VCL: variants seen among roughly 807,000 people sequenced by gnomAD.
VCL encodes epididymis luminal protein 114.
VCL carries 47 observed loss-of-function variants against 125.7 expected under a neutral mutation model. The observed-to-expected ratio is 0.37, with a 90% CI of 0.30 to 0.48. VCL has a LOEUF of 0.48. Among genes scored for constraint, VCL ranks in the 20% least tolerant of loss-of-function variants. The pLI, the probability that VCL is intolerant of heterozygous loss-of-function variation, is 0.99. For synonymous variants in VCL, 458 were observed against 514.6 expected, an observed-to-expected ratio of 0.89 and a Z score of 1.49; for missense variants, 1,069 against 1,455.5, an observed-to-expected ratio of 0.73 and a Z score of 4.32.
chr10:74,009,699 T>A (rs971717885), intron 1 of VCL, among the ~76,000 whole-genome samples: 1 of 151,766 alleles, frequency 6.6e-6, no homozygotes, highest in Non-Finnish European at 1.5e-5. Flanking sequence ...AACCTCCACC[T>A]CACGGGTTCA....
At chr10:74,004,225 A>T (rs1276263903) in intron 1 of VCL, among the ~76,000 whole-genome samples, 1 of 152,176 alleles carries the variant, frequency 6.6e-6, no homozygotes, top group Non-Finnish European at 1.5e-5. Context: ...TATAATTCCT[A>T]TGCTAAGGAA....
chr10:74,025,923 C>G (rs1256187147), intron 1 of VCL, among the ~76,000 whole-genome samples: 1 of 152,036 alleles, frequency 6.6e-6, no homozygotes, highest in South Asian at 2.1e-4. Flanking sequence ...GAGAGGGATC[C>G]TGGAGAAAAA....
chr10:74,075,472 T>TA (rs1839569321), intron 6 of VCL: 1 of 154,898 alleles, frequency 6.5e-6, no homozygotes, highest in Non-Finnish European at 1.4e-5. Flanking sequence ...GAATCTCTTT[T>TA]AGGACCCCAG....
chr10:74,103,671 C>T (rs1840091583), intron 14 of VCL, 149 bp from the exon 15 acceptor site: 1 of 740,544 alleles, frequency 1.4e-6, no homozygotes, highest in Non-Finnish European at 2.4e-6. Context: ...TTTATTGAGA[C>T]CAAACCTCAT....
chr10:74,032,802 C>T (rs768004773), intron 1 of VCL, among the ~76,000 whole-genome samples: 4 of 151,822 alleles, frequency 2.6e-5, no homozygotes, highest in Non-Finnish European at 5.9e-5. Context: ...TAAAAAGATG[C>T]TCAGCATCAT....
intron 10 of VCL, among the ~76,000 whole-genome samples, chr10:74,090,611 TA>T (rs1430886210): frequency 1.3e-5 from 2 of 152,086 alleles, no homozygotes; most frequent in Non-Finnish European, 2.9e-5. Context: ...GGAAGAAGCG[TA>T]AGAATGTACT....
chr10:74,066,145 C>T (rs187918473), intron 2 of VCL, among the ~76,000 whole-genome samples: 32 of 149,642 alleles, frequency 2.1e-4, no homozygotes, highest in Non-Finnish European at 3.7e-4. Context: ...CCGCAACCTC[C>T]GCCTCCCGGG....
intron 6 of VCL, chr10:74,077,482 A>G (rs1424354910): frequency 1.7e-5 from 3 of 176,078 alleles, no homozygotes; most frequent in African/African-American, 7.2e-5. Context: ...GAAAATAGAA[A>G]TTGGTAGCTA....
At chr10:74,115,005 TTCAG>T in intron 21 of VCL, 106 bp downstream of exon 21, 2 of 1,064,742 alleles carry the variant, frequency 1.9e-6, no homozygotes, top group African/African-American at 3.1e-5. Context: ...GTATCGAGTA[TTCAG>T]TATGTGGGAT....
intron 1 of VCL, among the ~76,000 whole-genome samples, chr10:74,016,438 CCTT>C (rs1307348849): frequency 6.6e-6 from 1 of 152,000 alleles, no homozygotes; most frequent in Non-Finnish European, 1.5e-5. Context: ...TGACAAAACT[CCTT>C]CTCTACAAAA....
At chr10:74,017,386 G>A (rs11000849) in intron 1 of VCL, among the ~76,000 whole-genome samples, 52,700 of 151,500 alleles carry the variant, frequency 0.35, 11,078 homozygotes, top group Non-Finnish European at 0.48. Flanking sequence ...CATTGTATGT[G>A]CATACCACAT....
At chr10:74,075,374 CATT>C in intron 6 of VCL, 1 of 157,680 alleles carries the variant, frequency 6.3e-6, no homozygotes, top group East Asian at 1.9e-4. Context: ...GTCCCTTGAT[CATT>C]CCATTTTCCC....
At chr10:74,051,918 G>A (rs890946272) in intron 2 of VCL, among the ~76,000 whole-genome samples, 1 of 152,054 alleles carries the variant, frequency 6.6e-6, no homozygotes, top group Admixed American at 6.6e-5. Flanking sequence ...CAGCAGCAGA[G>A]GCATTTCTGC....
chr10:74,020,565 A>G (rs1255552361), intron 1 of VCL, among the ~76,000 whole-genome samples: 1 of 152,110 alleles, frequency 6.6e-6, no homozygotes, highest in Non-Finnish European at 1.5e-5. Flanking sequence ...AGGGTCAATC[A>G]CTTGGTGGCT....
At chr10:74,048,491 C>A (rs550853100) in intron 2 of VCL, among the ~76,000 whole-genome samples, 19 of 150,680 alleles carry the variant, frequency 1.3e-4, no homozygotes, top group Admixed American at 4.0e-4. Flanking sequence ...GAAAAGAAAT[C>A]ATTTGTTCCT....
At chr10:74,039,922 A>G (rs1202214361) in intron 1 of VCL, among the ~76,000 whole-genome samples, 3 of 152,172 alleles carry the variant, frequency 2.0e-5, no homozygotes, top group African/African-American at 7.2e-5. Context: ...ACCCAGCCTC[A>G]TTACCACACC....
At position 74,114,868 on chromosome 10, in the gene VCL, G is replaced by A. The variant is rs766167366; in HGVS notation, c.3227G>A (p.Arg1076Gln). Residue 1076 changes from arginine (R) to glutamine (Q), a missense_variant, in exon 21 of 22, where the codon CGG becomes CAG. Coordinates refer to ENST00000211998, the MANE Select transcript of VCL (RefSeq NM_014000.3). ...LSTVKATMLG[R>Q]TNISDEESEQ... Reference sequence around the variant, plus strand: ...ACAGTGAAGGCCACCATGCTGGGCCGGACCAACATCAGTGATGAGGAGTCT... The same window carrying A: ...ACAGTGAAGGCCACCATGCTGGGCCAGACCAACATCAGTGATGAGGAGTCT... The A allele has an allele frequency of 6.9e-6, 11 of 1,603,156 alleles. 1 individual carries two copies. Among genetic ancestry groups the A allele is most frequent in the South Asian group, 4.5e-5 (4 of 88,980 alleles).
intron 1 of VCL, among the ~76,000 whole-genome samples, chr10:74,024,727 T>C (rs1227923643): frequency 6.6e-6 from 1 of 152,234 alleles, no homozygotes; most frequent in Non-Finnish European, 1.5e-5. Context: ...TTTTAAAAGT[T>C]ACTTAAGGCC....
chr10:74,064,803 T>A lies in VCL; in HGVS notation c.240-5867T>A, dbSNP rs11815902. On this transcript the variant is annotated intron_variant, in intron 2 of 21. Transcript: ENST00000211998. ...TCTTTTTAATAACACATAGAAAATT[T>A]ATAAAAATAAATCATATGTTAAGCC... Among the ~76,000 whole-genome samples, 929 of 152,366 alleles carry A rather than the reference T, an allele frequency of 6.1e-3. 12 individuals carry two copies. The highest frequency in any genetic ancestry group is 0.021 in the African/African-American group (881 of 41,578).
Sources: gnomAD v4.1 joint callset for allele counts (sites outside exome capture counted in the v4.1 genomes callset) on GRCh38, gnomAD v4.1.1 for gene constraint, MANE v1.5 for transcripts, NCBI Gene and HGNC (gene_info 2026-07-23, HGNC 2026-07-21) for gene names.